Variants in RALYL observed in about 807,000 individuals in gnomAD.
RALYL encodes RALY RNA binding protein like, also known as RNA-binding Raly-like protein.
RALYL carries 29 observed loss-of-function variants against 35.1 expected under a neutral mutation model. The ratio of observed to expected loss-of-function variants is 0.83; its 90% CI spans 0.61 to 1.13. The LOEUF (loss-of-function observed/expected upper bound fraction) is 1.13, where lower values mean the gene tolerates loss of function less well. RALYL is among the 50% of genes most tolerant of loss of function. The probability of loss-of-function intolerance (pLI) is 0.00; values close to 1 mark genes in which losing one functional copy is unlikely to be tolerated. For missense variants in RALYL, 359 were observed against 360.4 expected (o/e 1.00, Z 0.03); for synonymous variants, 120 against 127.6 (o/e 0.94, Z 0.40).
At chr8:84,187,930 T>C (rs1222068247) in intron 1 of RALYL, among the ~76,000 whole-genome samples, 2 of 152,080 alleles carry the variant, frequency 1.3e-5, no homozygotes, top group Non-Finnish European at 2.9e-5. Flanking sequence ...TTCATTGATA[T>C]AACTCTACAT....
At chr8:84,920,154 T>G (rs1218873698) in intron 8 of RALYL, among the ~76,000 whole-genome samples, 1 of 152,142 alleles carries the variant, frequency 6.6e-6, no homozygotes, top group African/African-American at 2.4e-5. Flanking sequence ...ACACAGATTT[T>G]CTATCTAACC....
At position 84,837,597 on chromosome 8, in the gene RALYL, A is replaced by G. The variant is rs73299289; in HGVS notation, c.366-12383A>G. ...ACCCAATGAGTTGTGATTCTTCTAT[A>G]AATGAAAAAGTTTAAATGAAATTTC... On this transcript the variant is annotated intron_variant, in intron 4 of 8. Coordinates refer to ENST00000521268, the MANE Select transcript of RALYL (RefSeq NM_173848.7). 5.5e-3 allele frequency among the ~76,000 whole-genome samples: 835 copies of G among 152,320 alleles called. 4 individuals are homozygous for G. The highest frequency in any genetic ancestry group is 0.019 in the African/African-American group (787 of 41,586).
At chr8:84,418,149 A>G (rs1316954125) in intron 1 of RALYL, among the ~76,000 whole-genome samples, 2 of 152,176 alleles carry the variant, frequency 1.3e-5, no homozygotes, top group East Asian at 3.8e-4. Context: ...AGTGTCTGAC[A>G]TAGGGCATCC....
At chr8:84,527,934 A>T (rs1056440819) in intron 1 of RALYL, among the ~76,000 whole-genome samples, 5 of 152,276 alleles carry the variant, frequency 3.3e-5, no homozygotes, top group African/African-American at 1.2e-4. Flanking sequence ...AAAATCCCAG[A>T]TGTAATATTG....
chr8:84,217,339 G>A (rs1302457450), intron 1 of RALYL, among the ~76,000 whole-genome samples: 2 of 152,058 alleles, frequency 1.3e-5, no homozygotes, highest in South Asian at 2.1e-4. Flanking sequence ...AATAAAAATT[G>A]TCTAGCAAAT....
intron 2 of RALYL, among the ~76,000 whole-genome samples, chr8:84,588,320 T>A (rs1391086505): frequency 6.6e-6 from 1 of 152,138 alleles, no homozygotes; most frequent in African/African-American, 2.4e-5. Context: ...AGGAAAGAAA[T>A]CTGTGTTTCT....
intron 2 of RALYL, among the ~76,000 whole-genome samples, chr8:84,558,995 T>G (rs1359903066): frequency 6.6e-6 from 1 of 152,118 alleles, no homozygotes; most frequent in Non-Finnish European, 1.5e-5. Context: ...CTTCATCACA[T>G]TTTCATGTCA....
At chr8:84,221,561 C>T (rs899448668) in intron 1 of RALYL, among the ~76,000 whole-genome samples, 2 of 151,820 alleles carry the variant, frequency 1.3e-5, no homozygotes, top group Non-Finnish European at 2.9e-5. Context: ...GGTTTGTCAA[C>T]ATAAACTGGA....
intron 5 of RALYL, among the ~76,000 whole-genome samples, chr8:84,857,608 A>C (rs2134972504): frequency 6.6e-6 from 1 of 152,326 alleles, no homozygotes; most frequent in South Asian, 2.1e-4. Context: ...GTAATGATTT[A>C]TTAGAATGTG....
intron 1 of RALYL, among the ~76,000 whole-genome samples, chr8:84,227,552 C>A (rs1824244650): frequency 6.6e-6 from 1 of 152,054 alleles, no homozygotes; most frequent in Admixed American, 6.6e-5. Flanking sequence ...ACTTATCAAA[C>A]AAAAGTTACA....
At chr8:84,491,464 C>CTT (rs1296998067) in intron 1 of RALYL, among the ~76,000 whole-genome samples, 1 of 151,936 alleles carries the variant, frequency 6.6e-6, no homozygotes, top group East Asian at 1.9e-4. Flanking sequence ...TTTCCATGAA[C>CTT]TTTGGGTCTT....
At chr8:84,395,994 TA>T (rs200540522) in intron 1 of RALYL, among the ~76,000 whole-genome samples, 4,299 of 152,116 alleles carry the variant, frequency 0.028, 198 homozygotes, top group African/African-American at 0.097. Flanking sequence ...GAAGTGAATG[TA>T]TTTTTTTAAA....
chr8:84,730,265 T>C (rs1475593500), intron 2 of RALYL, among the ~76,000 whole-genome samples: 52 of 152,060 alleles, frequency 3.4e-4, no homozygotes, highest in African/African-American at 1.2e-3. Context: ...AGCATATAAA[T>C]AGAACCAAAG....
chr8:84,410,835 A>T (rs953583220), intron 1 of RALYL, among the ~76,000 whole-genome samples: 12 of 151,752 alleles, frequency 7.9e-5, no homozygotes, highest in Admixed American at 7.9e-4. Flanking sequence ...AAAAATGCAT[A>T]CTATTAAGAG....
At chr8:84,344,737 C>A (rs1198864054) in intron 1 of RALYL, among the ~76,000 whole-genome samples, 2 of 152,002 alleles carry the variant, frequency 1.3e-5, no homozygotes, top group African/African-American at 4.8e-5. Flanking sequence ...ACCAATCTAC[C>A]CTCTGCTACT....
intron 7 of RALYL, among the ~76,000 whole-genome samples, chr8:84,878,715 A>G (rs1338143229): frequency 2.0e-5 from 3 of 148,228 alleles, no homozygotes; most frequent in African/African-American, 7.7e-5. Flanking sequence ...TTATAAATTA[A>G]CATATGATAG....
intron 2 of RALYL, among the ~76,000 whole-genome samples, chr8:84,633,500 C>T (rs1481255759): frequency 6.6e-6 from 1 of 151,722 alleles, no homozygotes; most frequent in African/African-American, 2.4e-5. Context: ...AAAAGAAGTC[C>T]TGAGTAGTTT....
chr8:84,427,781 G>A (rs1047376023), intron 1 of RALYL, among the ~76,000 whole-genome samples: 1 of 152,138 alleles, frequency 6.6e-6, no homozygotes. Context: ...CTCTAGCTTT[G>A]TCTTCATAAT....
intron 2 of RALYL, among the ~76,000 whole-genome samples, chr8:84,589,890 G>T (rs1398614991): frequency 2.0e-5 from 3 of 152,164 alleles, no homozygotes; most frequent in Admixed American, 6.6e-5. Flanking sequence ...AAAGACATCA[G>T]TCATCACATT....
Sources: allele counts gnomAD v4.1 joint callset (sites outside exome capture counted in the v4.1 genomes callset), GRCh38; gene constraint gnomAD v4.1.1; transcripts MANE v1.5; gene names NCBI Gene and HGNC (gene_info 2026-07-23, HGNC 2026-07-21).